Variants in PDILT observed in about 807,000 individuals in gnomAD.
PDILT encodes the protein protein disulfide isomerase like, testis expressed.
A neutral mutation model predicts 53.7 loss-of-function variants in PDILT; 43 were observed. That is an observed-to-expected ratio of 0.80 (90% CI 0.63 to 1.03). The LOEUF (loss-of-function observed/expected upper bound fraction) is 1.03. Ranked by LOEUF, PDILT falls within the 50% of genes least tolerant of loss-of-function variation. The probability of loss-of-function intolerance (pLI) is 0.00; values close to 1 mark genes in which losing one functional copy is unlikely to be tolerated. For missense variants in PDILT, 727 were observed against 712.3 expected (o/e 1.02, Z -0.24); for synonymous variants, 282 against 274.2 (o/e 1.03, Z -0.28).
At chr16:20,382,586 G>A (rs1305201362) in intron 3 of PDILT, among the ~76,000 whole-genome samples, 1 of 152,184 alleles carries the variant, frequency 6.6e-6, no homozygotes, top group Non-Finnish European at 1.5e-5. Context: ...CTGTGCCTCA[G>A]TTTCTCCATC....
chr16:20,369,466 TAAAC>T, intron 8 of PDILT, 22 bp downstream of exon 8: 1 of 1,600,586 alleles, frequency 6.2e-7, no homozygotes, highest in Non-Finnish European at 8.6e-7. Context: ...AGGTTCTGGA[TAAAC>T]CTTGTCCAAG....
intron 9 of PDILT, 35 bp downstream of exon 9, chr16:20,365,385 C>A (rs745984586): frequency 6.2e-7 from 1 of 1,609,278 alleles, no homozygotes; most frequent in Non-Finnish European, 8.5e-7. Flanking sequence ...AATTTTGGCA[C>A]CCGTTGCCTC....
At chr16:20,388,258 G>A (rs1966565297) in intron 2 of PDILT, among the ~76,000 whole-genome samples, 1 of 152,154 alleles carries the variant, frequency 6.6e-6, no homozygotes, top group Non-Finnish European at 1.5e-5. Context: ...CCCTTACTGT[G>A]CTAAGTACTT....
chr16:20,363,934 G>A (rs1966151489), intron 9 of PDILT, among the ~76,000 whole-genome samples: 1 of 152,116 alleles, frequency 6.6e-6, no homozygotes, highest in Non-Finnish European at 1.5e-5. Flanking sequence ...TTCTACTAGA[G>A]CTCAAAGCTC....
At chr16:20,380,908 C>T (rs748867576) in intron 3 of PDILT, among the ~76,000 whole-genome samples, 9 of 152,212 alleles carry the variant, frequency 5.9e-5, no homozygotes, top group African/African-American at 1.9e-4. Context: ...ATGAACTCTG[C>T]AAATTGTTGA....
chr16:20,360,492 C>A, intron 11 of PDILT, 76 bp downstream of exon 11: 1 of 1,299,882 alleles, frequency 7.7e-7, no homozygotes, highest in South Asian at 1.2e-5. Flanking sequence ...TCCAGCCATA[C>A]TCTTTTGTTG....
chr16:20,402,061 C>G (rs568999054), intron 1 of PDILT, among the ~76,000 whole-genome samples: 1 of 152,360 alleles, frequency 6.6e-6, no homozygotes, highest in East Asian at 1.9e-4. Flanking sequence ...CACAGCTCCT[C>G]TTTACTCACT....
chr16:20,367,726 G>A (rs969429693), intron 8 of PDILT, among the ~76,000 whole-genome samples: 2 of 152,108 alleles, frequency 1.3e-5, no homozygotes, highest in African/African-American at 4.8e-5. Flanking sequence ...GAGTGAGTGG[G>A]AATGGGATAT....
intron 2 of PDILT, 32 bp from the exon 3 acceptor site, chr16:20,384,883 C>G (rs374030715): frequency 2.4e-5 from 39 of 1,592,454 alleles, no homozygotes; most frequent in Admixed American, 6.7e-5. Context: ...ATTTGAGAGG[C>G]CTTTCCTCGC....
At chr16:20,364,447 G>A (rs904720215) in intron 9 of PDILT, among the ~76,000 whole-genome samples, 2 of 152,186 alleles carry the variant, frequency 1.3e-5, no homozygotes, top group Non-Finnish European at 2.9e-5. Flanking sequence ...GTGTGACCTA[G>A]GGTAAGATCA....
chr16:20,400,040 ATCTATCTATC>A (rs1183566063), intron 1 of PDILT, among the ~76,000 whole-genome samples: 67 of 125,800 alleles, frequency 5.3e-4, no homozygotes, highest in Middle Eastern at 3.8e-3. Flanking sequence ...CTATCTATCT[ATCTATCTATC>A]TATCTATATA....
At chr16:20,362,842 G>A (rs2141699232) in intron 9 of PDILT, among the ~76,000 whole-genome samples, 1 of 152,204 alleles carries the variant, frequency 6.6e-6, no homozygotes, top group East Asian at 1.9e-4. Flanking sequence ...GGGAGGCTGA[G>A]GCGGGTGGAT....
intron 8 of PDILT, among the ~76,000 whole-genome samples, chr16:20,366,946 T>TCCTC (rs1212428160): frequency 5.1e-5 from 2 of 39,598 alleles, no homozygotes; most frequent in South Asian, 7.1e-4. Context: ...TTTCCTTCCT[T>TCCTC]CCTTCCTTCC....
intron 2 of PDILT, 140 bp downstream of exon 2, chr16:20,398,959 G>T: frequency 1.1e-6 from 1 of 919,034 alleles, no homozygotes; most frequent in Non-Finnish European, 1.7e-6. Flanking sequence ...AGATGATGCT[G>T]TCTATATATA....
intron 8 of PDILT, among the ~76,000 whole-genome samples, chr16:20,368,347 G>C (rs1966246574): frequency 6.6e-6 from 1 of 152,172 alleles, no homozygotes; most frequent in South Asian, 2.1e-4. Flanking sequence ...GGGTCAAAAA[G>C]CATGGGATCC....
Position 20,365,504 on chromosome 16 carries a change from C to T in PDILT, c.1153G>A (p.Asp385Asn). The change falls in exon 9 of 12, where the codon GAC becomes AAC. Residue 385 changes from aspartate to asparagine, a missense_variant. Transcript: ENST00000302451. ...ACGAGCTGCTTAACCAGTCCCTGGT[C>T]CCAGTATTTTGGAATCTCTTCACTG... is the stretch of plus-strand genomic sequence containing the variant. ...QSSEEIPKYW[D>N]QGLVKQLVGK... is the part of the protein sequence containing the mutation. The T allele has an allele frequency of 6.2e-7, 1 of 1,613,976 alleles. No individual in the cohort carries two copies.
intron 2 of PDILT, among the ~76,000 whole-genome samples, chr16:20,392,505 A>G (rs11640962): frequency 0.15 from 23,303 of 151,692 alleles, 2,282 homozygotes; most frequent in African/African-American, 0.28. Context: ...TCTCTTTTGC[A>G]AAGAGCCCAT....
chr16:20,363,059 G>C (rs1966129929), intron 9 of PDILT, among the ~76,000 whole-genome samples: 2 of 98,046 alleles, frequency 2.0e-5, no homozygotes, highest in East Asian at 3.1e-4. Context: ...GTGACAGAGA[G>C]AGACTCCATC....
intron 9 of PDILT, among the ~76,000 whole-genome samples, chr16:20,364,289 C>T (rs1966157879): frequency 6.6e-6 from 1 of 152,254 alleles, no homozygotes; most frequent in South Asian, 2.1e-4. Flanking sequence ...GTGATTCAGC[C>T]ACAGACCTTA....
Sources: allele counts gnomAD v4.1 joint callset (sites outside exome capture counted in the v4.1 genomes callset), GRCh38; gene constraint gnomAD v4.1.1; transcripts MANE v1.5; gene names NCBI Gene and HGNC (gene_info 2026-07-23, HGNC 2026-07-21).